SLC9A9: variants seen among roughly 807,000 people sequenced by gnomAD.
The protein encoded by SLC9A9 is sodium/hydrogen exchanger 9.
A neutral mutation model predicts 77.8 loss-of-function variants in SLC9A9; 62 were observed. The observed-to-expected ratio is 0.80, with a 90% confidence interval of 0.65 to 0.98. The LOEUF is 0.98. Ranked by LOEUF, SLC9A9 falls within the 50% of genes least tolerant of loss-of-function variation. The pLI, the probability that SLC9A9 is intolerant of heterozygous loss-of-function variation, is 0.00. For synonymous variants in SLC9A9, 320 were observed against 283.5 expected (o/e 1.13, Z -1.29); for missense variants, 775 against 774.9 (o/e 1.00, Z 0.00).
intron 11 of SLC9A9, among the ~76,000 whole-genome samples, chr3:143,467,857 G>A (rs77476681): frequency 0.013 from 1,981 of 152,078 alleles, 49 homozygotes; most frequent in African/African-American, 0.046. Context: ...CTAACAACCA[G>A]TAATCTATTC....
intron 14 of SLC9A9, among the ~76,000 whole-genome samples, chr3:143,328,174 A>C (rs2031658266): frequency 6.6e-6 from 1 of 152,194 alleles, no homozygotes; most frequent in African/African-American, 2.4e-5. Flanking sequence ...GCATAACACA[A>C]CCTCAATGTA....
intron 13 of SLC9A9, among the ~76,000 whole-genome samples, chr3:143,377,672 G>T (rs1014786589): frequency 4.6e-5 from 7 of 152,190 alleles, no homozygotes; most frequent in Non-Finnish European, 1.0e-4. Flanking sequence ...GAAAAAAGAT[G>T]AAAATTATCC....
At chr3:143,289,360 A>AT (rs1015862465) in intron 14 of SLC9A9, among the ~76,000 whole-genome samples, 2 of 152,078 alleles carry the variant, frequency 1.3e-5, no homozygotes, top group Middle Eastern at 3.2e-3. Context: ...CTGAACCATT[A>AT]TTTTTTTAAA....
intron 4 of SLC9A9, among the ~76,000 whole-genome samples, chr3:143,745,172 A>G (rs775833554): frequency 1.3e-4 from 20 of 151,222 alleles, no homozygotes; most frequent in Non-Finnish European, 2.8e-4. Context: ...AACTCAAAGA[A>G]GAGAGAGATG....
intron 9 of SLC9A9, among the ~76,000 whole-genome samples, chr3:143,522,898 A>G (rs989144284): frequency 1.3e-5 from 2 of 152,216 alleles, no homozygotes; most frequent in Non-Finnish European, 2.9e-5. Context: ...AGAAAGGTTA[A>G]TAGAAAGAAG....
chr3:143,534,812 T>C (rs1001815641), intron 9 of SLC9A9, among the ~76,000 whole-genome samples: 19 of 152,214 alleles, frequency 1.2e-4, no homozygotes, highest in African/African-American at 4.6e-4. Flanking sequence ...TACATTCAGT[T>C]TGGCTTGAGA....
At chr3:143,798,059 A>T (rs2008437986) in intron 2 of SLC9A9, among the ~76,000 whole-genome samples, 1 of 152,138 alleles carries the variant, frequency 6.6e-6, no homozygotes, top group African/African-American at 2.4e-5. Context: ...TAACCAGCCC[A>T]AGGAACATCT....
At chr3:143,277,444 C>T (rs1303569535) in intron 14 of SLC9A9, among the ~76,000 whole-genome samples, 1 of 152,290 alleles carries the variant, frequency 6.6e-6, no homozygotes, top group East Asian at 1.9e-4. Flanking sequence ...GGTATCTGGT[C>T]TCTTGAAAGG....
At chr3:143,766,408 G>A (rs553697554) in intron 4 of SLC9A9, among the ~76,000 whole-genome samples, 1 of 152,158 alleles carries the variant, frequency 6.6e-6, no homozygotes, top group South Asian at 2.1e-4. Context: ...TGTATGAAAG[G>A]AAGAAAGTCC....
At chr3:143,809,434 C>T (rs771292683) in intron 2 of SLC9A9, among the ~76,000 whole-genome samples, 33 of 152,254 alleles carry the variant, frequency 2.2e-4, no homozygotes, top group Non-Finnish European at 4.4e-4. Context: ...TGTAAGCTTA[C>T]GAACTGCTAA....
chr3:143,272,525 T>TA (rs2108398607), intron 14 of SLC9A9, among the ~76,000 whole-genome samples: 1 of 152,312 alleles, frequency 6.6e-6, no homozygotes, highest in South Asian at 2.1e-4. Context: ...CTTCTTCTGT[T>TA]ACGAAGACAC....
intron 11 of SLC9A9, among the ~76,000 whole-genome samples, chr3:143,487,998 G>A (rs1251520263): frequency 2.0e-5 from 3 of 151,360 alleles, no homozygotes; most frequent in Non-Finnish European, 4.4e-5. Context: ...TTAACTAGAT[G>A]GACTAAGAAA....
chr3:143,294,339 T>A (rs1363427737), intron 14 of SLC9A9, among the ~76,000 whole-genome samples: 1 of 152,178 alleles, frequency 6.6e-6, no homozygotes, highest in East Asian at 1.9e-4. Flanking sequence ...GAGCCTTGGT[T>A]TCTGTCTGCT....
At chr3:143,819,224 C>T (rs776798825) in intron 2 of SLC9A9, among the ~76,000 whole-genome samples, 2 of 152,018 alleles carry the variant, frequency 1.3e-5, no homozygotes, top group Non-Finnish European at 1.5e-5. Flanking sequence ...ACTAGAATAC[C>T]ATAAAGCTAT....
At chr3:143,797,028 G>C (rs1216934706) in intron 2 of SLC9A9, 125 bp from the exon 3 acceptor site, 2 of 703,574 alleles carry the variant, frequency 2.8e-6, no homozygotes, top group East Asian at 5.5e-5. Context: ...CTATTAACTT[G>C]GCAGAGATGA....
At chr3:143,522,989 G>A (rs767575891) in intron 9 of SLC9A9, among the ~76,000 whole-genome samples, 14 of 152,036 alleles carry the variant, frequency 9.2e-5, no homozygotes, top group East Asian at 3.9e-4. Flanking sequence ...TTAGGCCTTC[G>A]TGATTTCATT....
chr3:143,455,473 G>T (rs1230018940), intron 12 of SLC9A9, among the ~76,000 whole-genome samples: 1 of 152,112 alleles, frequency 6.6e-6, no homozygotes, highest in East Asian at 1.9e-4. Flanking sequence ...ATTTTGATTA[G>T]AATTGTATGA....
intron 2 of SLC9A9, among the ~76,000 whole-genome samples, chr3:143,828,046 G>A (rs1204038870): frequency 2.6e-5 from 4 of 152,148 alleles, no homozygotes; most frequent in Non-Finnish European, 5.9e-5. Flanking sequence ...GTCCAGTAGT[G>A]TGGGGTATAA....
intron 11 of SLC9A9, among the ~76,000 whole-genome samples, chr3:143,482,777 T>C (rs772235467): frequency 2.6e-5 from 4 of 152,222 alleles, no homozygotes; most frequent in Non-Finnish European, 4.4e-5. Flanking sequence ...ATGCACCACA[T>C]CAACAGGAAA....
Sources: allele counts gnomAD v4.1 joint callset (sites outside exome capture counted in the v4.1 genomes callset), GRCh38; gene constraint gnomAD v4.1.1; transcripts MANE v1.5; gene names NCBI Gene and HGNC (gene_info 2026-07-23, HGNC 2026-07-21).